The following ARHGAP10 variants were observed in gnomAD, a reference collection of about 807,000 sequenced individuals.
The protein encoded by ARHGAP10 is Rho GTPase activating protein 10.
ARHGAP10 carries 87 observed loss-of-function variants against 108.6 expected under a neutral mutation model. The ratio of observed to expected loss-of-function variants is 0.80; its 90% CI spans 0.67 to 0.96. The LOEUF is 0.96. Ranked by LOEUF, ARHGAP10 falls within the 40% of genes least tolerant of loss-of-function variation. ARHGAP10 has a pLI of 0.00. For missense variants in ARHGAP10, 939 were observed against 954.5 expected, an observed-to-expected ratio of 0.98 and a Z score of 0.21; for synonymous variants, 347 against 341.1, an observed-to-expected ratio of 1.02 and a Z score of -0.19.
chr4:147,784,373 TTAAATTATATATAATTTA>T (rs1385135328), intron 1 of ARHGAP10, among the ~76,000 whole-genome samples: 4 of 127,858 alleles, frequency 3.1e-5, no homozygotes, highest in South Asian at 3.0e-4. Context: ...ATAATACATA[TTAAATTATATATAATTTA>T]TAAATTATAT....
chr4:147,951,961 C>A (rs1578726746), intron 15 of ARHGAP10, among the ~76,000 whole-genome samples: 1 of 152,150 alleles, frequency 6.6e-6, no homozygotes, highest in East Asian at 1.9e-4. Flanking sequence ...CGGAAGTAGC[C>A]TCATCCACTA....
intron 1 of ARHGAP10, among the ~76,000 whole-genome samples, chr4:147,746,349 G>A (rs28579791): frequency 0.024 from 3,589 of 150,504 alleles, 142 homozygotes; most frequent in African/African-American, 0.083. Flanking sequence ...TGATCCGCCC[G>A]CCTTGGCCTC....
chr4:148,050,530 C>G (rs1049351240), intron 20 of ARHGAP10, among the ~76,000 whole-genome samples: 2 of 151,924 alleles, frequency 1.3e-5, no homozygotes, highest in African/African-American at 4.8e-5. Flanking sequence ...CCCACCACCA[C>G]GCCTGGCTAA....
chr4:147,996,494 A>G (rs561395616), intron 18 of ARHGAP10, among the ~76,000 whole-genome samples: 3 of 152,298 alleles, frequency 2.0e-5, no homozygotes, highest in South Asian at 4.2e-4. Context: ...CAGACTGGCC[A>G]TCTGAGACTG....
chr4:147,800,392 T>C (rs924220178), intron 1 of ARHGAP10, among the ~76,000 whole-genome samples: 2 of 152,178 alleles, frequency 1.3e-5, no homozygotes, highest in East Asian at 3.9e-4. Flanking sequence ...GCCAGGTCAC[T>C]TGTGGCTGGG....
At chr4:147,779,035 C>T (rs1460130742) in intron 1 of ARHGAP10, among the ~76,000 whole-genome samples, 4 of 152,142 alleles carry the variant, frequency 2.6e-5, no homozygotes, top group Non-Finnish European at 5.9e-5. Flanking sequence ...GGGTTTCTTC[C>T]GGGCAGTGGT....
At chr4:147,952,729 G>A (rs894902679) in intron 15 of ARHGAP10, among the ~76,000 whole-genome samples, 3 of 152,028 alleles carry the variant, frequency 2.0e-5, no homozygotes, top group African/African-American at 7.2e-5. Context: ...TCTCAATAGT[G>A]TCTTTCAAAG....
intron 1 of ARHGAP10, among the ~76,000 whole-genome samples, chr4:147,772,388 GTT>G (rs570388239): frequency 1.6e-3 from 240 of 152,324 alleles, no homozygotes; most frequent in African/African-American, 5.1e-3. Flanking sequence ...CCTCTCTGCA[GTT>G]TTTTATCTTT....
chr4:147,763,961 G>T (rs1729692006), intron 1 of ARHGAP10, among the ~76,000 whole-genome samples: 1 of 151,940 alleles, frequency 6.6e-6, no homozygotes, highest in Non-Finnish European at 1.5e-5. Flanking sequence ...CACCATGCTG[G>T]CCAGGCTGGT....
At chr4:148,029,861 T>G (rs1238981785) in intron 19 of ARHGAP10, among the ~76,000 whole-genome samples, 1 of 152,184 alleles carries the variant, frequency 6.6e-6, no homozygotes, top group Non-Finnish European at 1.5e-5. Context: ...ACTTTTACAA[T>G]GATGAGATCA....
At chr4:147,996,985 A>G (rs1435673549) in intron 18 of ARHGAP10, among the ~76,000 whole-genome samples, 3 of 152,122 alleles carry the variant, frequency 2.0e-5, no homozygotes, top group Non-Finnish European at 4.4e-5. Flanking sequence ...TTCTGTTGTT[A>G]CCCTGTCTGT....
intron 15 of ARHGAP10, among the ~76,000 whole-genome samples, chr4:147,948,558 C>T (rs919126384): frequency 6.6e-6 from 1 of 152,146 alleles, no homozygotes; most frequent in Non-Finnish European, 1.5e-5. Context: ...TTGATTATAT[C>T]TTCATGATAA....
chr4:147,900,374 T>G (rs868152093), intron 10 of ARHGAP10, among the ~76,000 whole-genome samples: 3 of 152,360 alleles, frequency 2.0e-5, no homozygotes, highest in Middle Eastern at 3.4e-3. Flanking sequence ...TTCTTCAGAT[T>G]CCAATTCCCA....
chr4:147,838,572 T>C (rs139337991), intron 3 of ARHGAP10, among the ~76,000 whole-genome samples: 149 of 152,264 alleles, frequency 9.8e-4, no homozygotes, highest in African/African-American at 3.2e-3. Context: ...GTCTAACTGT[T>C]GCTTGGGCTG....
At chr4:147,888,690 A>G (rs1439790230) in intron 10 of ARHGAP10, among the ~76,000 whole-genome samples, 1 of 152,168 alleles carries the variant, frequency 6.6e-6, no homozygotes, top group African/African-American at 2.4e-5. Flanking sequence ...CCTCATTTCT[A>G]AACAGAGAAA....
At chr4:147,889,919 CTT>C (rs1387655588) in intron 10 of ARHGAP10, among the ~76,000 whole-genome samples, 1 of 152,060 alleles carries the variant, frequency 6.6e-6, no homozygotes, top group East Asian at 1.9e-4. Context: ...ATTTTTTTCT[CTT>C]GTTTGGGAAG....
At chr4:148,054,675 C>T (rs1729286659) in intron 20 of ARHGAP10, among the ~76,000 whole-genome samples, 1 of 152,216 alleles carries the variant, frequency 6.6e-6, no homozygotes, top group African/African-American at 2.4e-5. Context: ...CTCCTAGCCT[C>T]TTGCTTTGGG....
At chr4:147,960,851 T>C (rs1392677181) in intron 16 of ARHGAP10, among the ~76,000 whole-genome samples, 1 of 152,236 alleles carries the variant, frequency 6.6e-6, no homozygotes, top group Non-Finnish European at 1.5e-5. Flanking sequence ...GTATCTGGTT[T>C]CTTTTGCTCA....
At chr4:147,971,106 A>AG (rs1739391131) in intron 18 of ARHGAP10, among the ~76,000 whole-genome samples, 1 of 151,768 alleles carries the variant, frequency 6.6e-6, no homozygotes, top group South Asian at 2.1e-4. Context: ...AAAAAAAAAA[A>AG]AAAAAAAAAG....
Sources: gnomAD v4.1 joint callset for allele counts (sites outside exome capture counted in the v4.1 genomes callset) on GRCh38, gnomAD v4.1.1 for gene constraint, MANE v1.5 for transcripts, NCBI Gene and HGNC (gene_info 2026-07-23, HGNC 2026-07-21) for gene names.